The following IGSF10 variants were observed in gnomAD, a reference collection of about 807,000 sequenced individuals.
IGSF10 encodes calvaria mechanical force protein 608.
Under a neutral mutation model 128.2 loss-of-function variants are expected in IGSF10, and 126 were observed. The observed-to-expected ratio is 0.98, with a 90% CI of 0.85 to 1.14. The LOEUF is 1.14. Ranked by LOEUF, IGSF10 falls within the 50% of genes most tolerant of loss-of-function variation. The probability of loss-of-function intolerance (pLI) is 0.00; values close to 1 mark genes in which losing one functional copy is unlikely to be tolerated. For missense variants in IGSF10, 3,295 were observed against 3,149.8 expected, an observed-to-expected ratio of 1.05 and a Z score of -1.10; for synonymous variants, 1,185 against 1,146.2, an observed-to-expected ratio of 1.03 and a Z score of -0.68.
rs1180926560 is a variant in IGSF10, at chr3:151,447,745, G to T, written c.2236C>A (p.Pro746Thr). 6.2e-7 allele frequency: 1 copy of T among 1,614,150 alleles called. No individual in the cohort carries two copies. Among genetic ancestry groups the T allele is most frequent in the Non-Finnish European group, 8.5e-7 (1 of 1,180,024 alleles). Residue 746 changes from proline (P) to threonine (T), a missense_variant, in exon 6 of 8, where the codon CCC becomes ACC. Coordinates refer to ENST00000282466, the MANE Select transcript of IGSF10 (RefSeq NM_178822.5). Reference protein sequence around the residue: ...RFRENRRHFPPSARRIDPQHW... With the variant: ...RFRENRRHFPTSARRIDPQHW... ...TGTGGGTCAATTCTCCTAGCAGAGG[G>T]AGGGAAATGCCTCCTATTCTCCCTA... is the stretch of plus-strand genomic sequence containing the variant.
chr3:151,468,226 G>C, the IGSF10 span, among the ~76,000 whole-genome samples: 2 of 152,194 alleles, frequency 1.3e-5, no homozygotes, highest in Non-Finnish European at 2.9e-5. Context: ...GGCTTTAGCT[G>C]AACATTTTGA....
the IGSF10 span, among the ~76,000 whole-genome samples, chr3:151,528,310 C>A: frequency 2.0e-3 from 309 of 152,204 alleles, no homozygotes; most frequent in Admixed American, 5.2e-3. Flanking sequence ...AGGGACTGAT[C>A]CAGATTTCGA....
chr3:151,526,202 G>A, the IGSF10 span, among the ~76,000 whole-genome samples: 2 of 152,176 alleles, frequency 1.3e-5, no homozygotes, highest in Non-Finnish European at 2.9e-5. Context: ...GTTTAGAAGA[G>A]GAAATGTCTC....
intron 6 of IGSF10, among the ~76,000 whole-genome samples, chr3:151,444,437 A>G (rs1206456712): frequency 6.6e-6 from 1 of 152,138 alleles, no homozygotes; most frequent in Non-Finnish European, 1.5e-5. Context: ...CCTCCCGAGT[A>G]GCTGGGACTA....
At chr3:151,586,397 C>A in the IGSF10 span, among the ~76,000 whole-genome samples, 1 of 152,094 alleles carries the variant, frequency 6.6e-6, no homozygotes, top group Non-Finnish European at 1.5e-5. Flanking sequence ...TTAGAAGAAC[C>A]TACAGTTTCA....
the IGSF10 span, among the ~76,000 whole-genome samples, chr3:151,479,338 T>C: frequency 4.6e-5 from 7 of 152,350 alleles, no homozygotes; most frequent in South Asian, 1.4e-3. Flanking sequence ...TTCTGTTTAA[T>C]GTGAAAGCAA....
intron 7 of IGSF10, among the ~76,000 whole-genome samples, chr3:151,439,112 T>C (rs1720673781): frequency 2.0e-5 from 3 of 152,182 alleles, no homozygotes. Context: ...AAAAAAAATC[T>C]TAATGAAGAG....
chr3:151,486,157 AG>A, the IGSF10 span, among the ~76,000 whole-genome samples: 1 of 151,994 alleles, frequency 6.6e-6, no homozygotes, highest in African/African-American at 2.4e-5. Context: ...AAACAAAAAC[AG>A]GGGTTGCAAT....
At chr3:151,540,147 T>A in the IGSF10 span, among the ~76,000 whole-genome samples, 16 of 152,302 alleles carry the variant, frequency 1.1e-4, no homozygotes, top group Admixed American at 7.2e-4. Flanking sequence ...ATAATTTAAA[T>A]TTTTTAATAG....
chr3:151,446,831 G>A lies in IGSF10; in HGVS notation c.3150C>T (p.Ser1050=). 6.2e-7 allele frequency: 1 copy of A among 1,614,112 alleles called. No individual in the cohort carries two copies. Among genetic ancestry groups the A allele is most frequent in the Non-Finnish European group, 8.5e-7 (1 of 1,180,018 alleles). ...GCACTGTGGCTGAGAATGCAGTAGT[G>A]CTTTTTTCAGAAGAACCTCTGGTTG... ...RSTTRGSSEK[S]TTAFSATVLN... The change falls in exon 6 of 8, where the codon AGC becomes AGT. Residue 1050 remains serine, a synonymous_variant. Coordinates refer to ENST00000282466, the MANE Select transcript of IGSF10 (RefSeq NM_178822.5).
At chr3:151,602,055 T>G in the IGSF10 span, among the ~76,000 whole-genome samples, 2 of 152,134 alleles carry the variant, frequency 1.3e-5, no homozygotes, top group African/African-American at 2.4e-5. Context: ...CAGTGTTATT[T>G]AACTAGCAGC....
chr3:151,452,508 C>T (rs574026373), intron 5 of IGSF10, among the ~76,000 whole-genome samples: 6 of 152,258 alleles, frequency 3.9e-5, no homozygotes, highest in Non-Finnish European at 7.4e-5. Context: ...TTTTATTTCA[C>T]CTCCATTGTA....
At chr3:151,442,009 A>T (rs554928918) in intron 7 of IGSF10, among the ~76,000 whole-genome samples, 3 of 152,206 alleles carry the variant, frequency 2.0e-5, no homozygotes, top group Admixed American at 6.5e-5. Flanking sequence ...TGCAGTGAGC[A>T]GAGATCCTGC....
chr3:151,570,714 G>A, the IGSF10 span, among the ~76,000 whole-genome samples: 3 of 152,126 alleles, frequency 2.0e-5, no homozygotes, highest in Non-Finnish European at 4.4e-5. Context: ...AGTTTCTTTT[G>A]CTGTGCAGAA....
At chr3:151,461,976 A>G (rs62284463), upstream of IGSF10, among the ~76,000 whole-genome samples, 3,041 of 152,226 alleles carry the variant, frequency 0.02, 55 homozygotes, top group Non-Finnish European at 0.03. Context: ...AATTCTTTTA[A>G]ATCATTATCA....
At position 151,445,269 on chromosome 3, in the gene IGSF10, G is replaced by T. The variant is rs1721113804; in HGVS notation, c.4712C>A (p.Ala1571Glu). The T allele has an allele frequency of 1.9e-6, 3 of 1,614,044 alleles. No homozygotes were observed. The highest frequency in any genetic ancestry group is 1.7e-5 in the Admixed American group (1 of 60,006). ...TGGTTTGTGCCAAAATTGGTTTTCT[G>T]CCCAGGGAGATGGAGTTAATTTAGA... ...QNSKLTPSPWAENQFWHKPYS... is the reference protein window; with the variant it reads ...QNSKLTPSPWEENQFWHKPYS... The change falls in exon 6 of 8, where the codon GCA (alanine) becomes GAA (glutamate). Residue 1571 changes from alanine (A) to glutamate (E), a missense_variant. By Grantham distance (107) the Ala-to-Glu change is moderately radical. Transcript: ENST00000282466.
At chr3:151,579,886 G>GGAAA in the IGSF10 span, among the ~76,000 whole-genome samples, 57 of 150,342 alleles carry the variant, frequency 3.8e-4, no homozygotes, top group East Asian at 7.8e-4. Context: ...AAGGAAGGAA[G>GGAAA]GAAGGAAGGA....
At chr3:151,468,726 T>C in the IGSF10 span, among the ~76,000 whole-genome samples, 1 of 151,846 alleles carries the variant, frequency 6.6e-6, no homozygotes, top group Admixed American at 6.6e-5. Context: ...TTTGTGAGGG[T>C]TGTTTGTATT....
the IGSF10 span, among the ~76,000 whole-genome samples, chr3:151,571,355 G>A: frequency 1.3e-5 from 2 of 151,600 alleles, no homozygotes; most frequent in East Asian, 3.9e-4. Context: ...GATTCCATAA[G>A]CATGGAATGT....
Sources: gnomAD v4.1 joint callset for allele counts (sites outside exome capture counted in the v4.1 genomes callset) on GRCh38, gnomAD v4.1.1 for gene constraint, MANE v1.5 for transcripts, NCBI Gene and HGNC (gene_info 2026-07-23, HGNC 2026-07-21) for gene names.